Variants in PRDM11 observed in about 807,000 individuals in gnomAD.
The protein encoded by PRDM11 is PR domain-containing protein 11.
PRDM11 carries 20 observed loss-of-function variants against 97.8 expected under a neutral mutation model. The ratio of observed to expected loss-of-function variants is 0.20; its 90% CI spans 0.14 to 0.30. The LOEUF (loss-of-function observed/expected upper bound fraction) is 0.30. PRDM11 is among the 10% of genes least tolerant of loss of function. PRDM11 has a pLI of 1.00. For synonymous variants in PRDM11, 599 were observed against 637.7 expected, an observed-to-expected ratio of 0.94 and a Z score of 0.91; for missense variants, 1,139 against 1,555.2, an observed-to-expected ratio of 0.73 and a Z score of 4.50.
At position 45,227,682 on chromosome 11, in the gene PRDM11, C is replaced by T. The variant is rs1198795187; in HGVS notation, c.3057C>T (p.Ile1019=). The T allele has an allele frequency of 1.3e-6, 2 of 1,533,948 alleles. No individual in the cohort carries two copies. The highest frequency in any genetic ancestry group is 2.4e-5 in the East Asian group (1 of 40,916). Residue 1019 remains isoleucine, a synonymous_variant, in exon 8 of 8, where the codon ATC becomes ATT. Transcript: ENST00000683152. This position sits in a 1 kb window ranked among gnomAD's most constrained non-coding sequence, Gnocchi z 8.0. Reference sequence around the variant, plus strand: ...AAATATTTGATCACCTGGAGGCCATCCCGACCTTTTCCCGGGATGTCTGTA... The same window carrying T: ...AAATATTTGATCACCTGGAGGCCATTCCGACCTTTTCCCGGGATGTCTGTA... ...MVQIFDHLEA[I]PTFSRDVCRE... is the part of the protein sequence containing the mutation.
intron 1 of PRDM11, among the ~76,000 whole-genome samples, chr11:45,100,978 A>G (rs917933057): frequency 6.6e-6 from 1 of 152,204 alleles, no homozygotes; most frequent in Non-Finnish European, 1.5e-5. Context: ...CAAATGCTGT[A>G]TTCTTAACCA....
At chr11:45,133,561 T>C (rs1369686685) in intron 1 of PRDM11, among the ~76,000 whole-genome samples, 2 of 152,216 alleles carry the variant, frequency 1.3e-5, no homozygotes, top group South Asian at 4.1e-4. Context: ...TTTTTAGTTA[T>C]AGGAGCCAAC....
chr11:45,193,263 A>G (rs763613784), intron 4 of PRDM11, among the ~76,000 whole-genome samples: 1 of 152,200 alleles, frequency 6.6e-6, no homozygotes, highest in East Asian at 1.9e-4. Context: ...TGCAACTGCC[A>G]TGATGTGTCT....
Position 45,109,627 on chromosome 11 carries a change from G to A in PRDM11, c.96+13726G>A, listed in dbSNP as rs1852132310. On this transcript the variant is annotated intron_variant, in intron 1 of 6. Transcript: ENST00000530656. ...ACTGGGCCACAACCAAGACTGAGGT[G>A]TGGGAGATGGAACAGGGCAGATTTA... Among the ~76,000 whole-genome samples the A allele has an allele frequency of 2.0e-5, 3 of 152,204 alleles. No homozygotes were observed. The South Asian group carries it at 6.2e-4, about 31-fold the overall frequency.
At chr11:45,203,525 G>A (rs1396540639) in intron 4 of PRDM11, among the ~76,000 whole-genome samples, 1 of 151,836 alleles carries the variant, frequency 6.6e-6, no homozygotes, top group Non-Finnish European at 1.5e-5. Context: ...CTGGAAGAGA[G>A]CTCTGAGATA....
At chr11:45,154,027 T>C (rs1364835950) in intron 1 of PRDM11, among the ~76,000 whole-genome samples, 2 of 152,218 alleles carry the variant, frequency 1.3e-5, no homozygotes, top group Non-Finnish European at 2.9e-5. Flanking sequence ...TTGTATTACA[T>C]AATAATTCCC....
At chr11:45,107,789 A>T (rs1852087921) in intron 1 of PRDM11, among the ~76,000 whole-genome samples, 1 of 151,968 alleles carries the variant, frequency 6.6e-6, no homozygotes, top group South Asian at 2.1e-4. Context: ...GCTCCAGCAC[A>T]GTTCCTGGCA....
At chr11:45,132,271 CAAG>C (rs1310092596) in intron 1 of PRDM11, among the ~76,000 whole-genome samples, 1 of 152,118 alleles carries the variant, frequency 6.6e-6, no homozygotes, top group Non-Finnish European at 1.5e-5. Context: ...CTTTGCCAGC[CAAG>C]AAGAAGTGAG....
At chr11:45,151,053 T>A (rs1351417363) in intron 1 of PRDM11, among the ~76,000 whole-genome samples, 1 of 152,152 alleles carries the variant, frequency 6.6e-6, no homozygotes, top group Non-Finnish European at 1.5e-5. Context: ...CCCAAACCCA[T>A]TTGGAAGCAT....
At chr11:45,096,938 G>C (rs1227236323) in intron 1 of PRDM11, among the ~76,000 whole-genome samples, 1 of 152,184 alleles carries the variant, frequency 6.6e-6, no homozygotes, top group Non-Finnish European at 1.5e-5. Flanking sequence ...AGGCAGCTGC[G>C]TGGCCATGCA....
intron 1 of PRDM11, among the ~76,000 whole-genome samples, chr11:45,129,082 T>C (rs1038122778): frequency 1.3e-5 from 2 of 152,202 alleles, no homozygotes; most frequent in East Asian, 1.9e-4. Flanking sequence ...TTGATAGATA[T>C]AGAAACATTA....
chr11:45,176,617 T>C (rs1198311118), intron 1 of PRDM11, among the ~76,000 whole-genome samples: 3 of 152,180 alleles, frequency 2.0e-5, no homozygotes, highest in Non-Finnish European at 4.4e-5. Flanking sequence ...CTGGTGTTAA[T>C]TGATTAACAA....
At chr11:45,175,807 A>G (rs1057234007) in intron 1 of PRDM11, among the ~76,000 whole-genome samples, 1 of 151,994 alleles carries the variant, frequency 6.6e-6, no homozygotes, top group Non-Finnish European at 1.5e-5. Context: ...AATTTCCCCT[A>G]CACTCTTGCC....
At chr11:45,213,192 G>C (rs1460253365) in intron 5 of PRDM11, 1 of 456,542 alleles carries the variant, frequency 2.2e-6, no homozygotes, top group Non-Finnish European at 4.4e-6. Flanking sequence ...GCAGGTCGCT[G>C]CCCTGTGGTC....
chr11:45,189,875 C>T (rs1033771137), intron 4 of PRDM11, among the ~76,000 whole-genome samples: 1 of 152,010 alleles, frequency 6.6e-6, no homozygotes, highest in African/African-American at 2.4e-5. Flanking sequence ...TGAGGAGTAA[C>T]AGGTTTGTTC....
At chr11:45,199,532 T>C (rs1053124873) in intron 4 of PRDM11, among the ~76,000 whole-genome samples, 1 of 152,204 alleles carries the variant, frequency 6.6e-6, no homozygotes, top group African/African-American at 2.4e-5. Flanking sequence ...TTCCCCAGGT[T>C]ATCAGCCTGG....
rs2135865100 is a variant in PRDM11, at chr11:45,229,696, C to G, written c.*1537C>G. On this transcript the variant is annotated 3_prime_UTR_variant, in exon 8 of 8. Coordinates refer to ENST00000683152, the MANE Select transcript of PRDM11 (RefSeq NM_001384648.1). ...CTGTTAAAAACTTCTGTTCATGTTC[C>G]TACATCTGATTTATGCATATTTTAT... The G allele has an allele frequency of 6.6e-6, 1 of 152,172 alleles. No individual in the cohort carries two copies. The highest frequency in any genetic ancestry group is 1.9e-4 in the East Asian group (1 of 5,202). 9.4% of individuals were successfully genotyped at this position (152,172 alleles called of 1,614,324 possible).
At chr11:45,125,947 G>A (rs554366646) in intron 1 of PRDM11, among the ~76,000 whole-genome samples, 54 of 152,278 alleles carry the variant, frequency 3.5e-4, no homozygotes, top group Admixed American at 3.1e-3. Flanking sequence ...AGGTGTTAAA[G>A]TCTCCCATTA....
intron 1 of PRDM11, among the ~76,000 whole-genome samples, chr11:45,175,783 G>A (rs1808996780): frequency 2.0e-5 from 3 of 151,962 alleles, no homozygotes; most frequent in African/African-American, 7.3e-5. Flanking sequence ...CCAACCAGTG[G>A]GATATGAAGT....
Sources: allele counts gnomAD v4.1 joint callset (sites outside exome capture counted in the v4.1 genomes callset), GRCh38; gene constraint gnomAD v4.1.1; non-coding constraint Gnocchi (gnomAD v3.1); transcripts MANE v1.5; gene names NCBI Gene and HGNC (gene_info 2026-07-23, HGNC 2026-07-21).